ADCY1: variants seen among roughly 807,000 people sequenced by gnomAD.
ADCY1 encodes adenylate cyclase 1.
A neutral mutation model predicts 105.4 loss-of-function variants in ADCY1; 28 were observed. That is an observed-to-expected ratio of 0.27 (90% CI 0.20 to 0.36). The LOEUF is 0.36. Among genes scored for constraint, ADCY1 ranks in the 10% least tolerant of loss-of-function variants. ADCY1 has a pLI of 1.00. For missense variants in ADCY1, 977 were observed against 1,434.2 expected (o/e 0.68, Z 5.15); for synonymous variants, 655 against 623.8 (o/e 1.05, Z -0.75).
intron 1 of ADCY1, among the ~76,000 whole-genome samples, chr7:45,584,893 G>T (rs147150129): frequency 2.0e-5 from 3 of 152,366 alleles, no homozygotes; most frequent in African/African-American, 7.2e-5. Context: ...TAGGAGTATG[G>T]TGGAAAGTTC....
At chr7:45,656,776 C>G (rs1436782437) in intron 5 of ADCY1, among the ~76,000 whole-genome samples, 1 of 152,170 alleles carries the variant, frequency 6.6e-6, no homozygotes, top group African/African-American at 2.4e-5. Context: ...GAATGGGACT[C>G]CAGGCTGAGC....
intron 1 of ADCY1, among the ~76,000 whole-genome samples, chr7:45,590,104 C>T (rs998825354): frequency 8.5e-5 from 13 of 152,132 alleles, no homozygotes; most frequent in South Asian, 4.2e-4. Context: ...TGAGGGGGAC[C>T]GGCCGCCAAT....
At chr7:45,688,319 C>T (rs560832483) in intron 14 of ADCY1, among the ~76,000 whole-genome samples, 20 of 152,200 alleles carry the variant, frequency 1.3e-4, no homozygotes, top group Non-Finnish European at 2.4e-4. Context: ...TCGTTGGCCA[C>T]GGGCCTTGTG....
intron 10 of ADCY1, 95 bp from the exon 11 acceptor site, chr7:45,679,614 G>C: frequency 8.4e-7 from 1 of 1,196,934 alleles, no homozygotes. Flanking sequence ...GAGAGCACAG[G>C]GGATGTGGAG....
chr7:45,588,819 C>T (rs535111712), intron 1 of ADCY1, among the ~76,000 whole-genome samples: 35 of 152,218 alleles, frequency 2.3e-4, no homozygotes, highest in African/African-American at 7.9e-4. Context: ...CCATTGGGGG[C>T]TCTTTCAGTT....
At chr7:45,625,207 T>C (rs1036893486) in intron 4 of ADCY1, among the ~76,000 whole-genome samples, 1 of 152,226 alleles carries the variant, frequency 6.6e-6, no homozygotes, top group African/African-American at 2.4e-5. Context: ...GCGGGGGCTC[T>C]GGGCCTGTTT....
chr7:45,593,138 T>C (rs1792974672), intron 2 of ADCY1, among the ~76,000 whole-genome samples: 1 of 152,078 alleles, frequency 6.6e-6, no homozygotes, highest in Non-Finnish European at 1.5e-5. Context: ...TGGGGCTGCT[T>C]TGGGGACAGC....
intron 10 of ADCY1, among the ~76,000 whole-genome samples, chr7:45,679,136 CAT>C: frequency 6.6e-6 from 1 of 152,234 alleles, no homozygotes; most frequent in Admixed American, 6.5e-5. Flanking sequence ...CAAGTGTACT[CAT>C]TTCTTAATAA....
At chr7:45,636,625 C>T (rs112967889) in intron 4 of ADCY1, among the ~76,000 whole-genome samples, 7,503 of 152,282 alleles carry the variant, frequency 0.049, 304 homozygotes, top group Non-Finnish European at 0.073. Context: ...ACTGTAACCT[C>T]CGCCTCCCGG....
At chr7:45,613,365 T>C (rs980402774) in intron 3 of ADCY1, among the ~76,000 whole-genome samples, 1 of 151,906 alleles carries the variant, frequency 6.6e-6, no homozygotes, top group African/African-American at 2.4e-5. Context: ...GGAAGACAAG[T>C]CACTGCAGTC....
At chr7:45,619,287 A>G (rs537205490) in intron 3 of ADCY1, among the ~76,000 whole-genome samples, 4 of 152,280 alleles carry the variant, frequency 2.6e-5, no homozygotes, top group African/African-American at 9.6e-5. Context: ...AATAAGTTCT[A>G]TTGTTCTATA....
intron 4 of ADCY1, among the ~76,000 whole-genome samples, chr7:45,644,271 T>A (rs1042045396): frequency 1.3e-5 from 2 of 152,218 alleles, no homozygotes; most frequent in East Asian, 3.9e-4. Flanking sequence ...AGCTCTGGAA[T>A]TGGCAGTGGA....
intron 2 of ADCY1, among the ~76,000 whole-genome samples, chr7:45,606,917 A>G (rs1044266246): frequency 6.6e-6 from 1 of 151,880 alleles, no homozygotes; most frequent in African/African-American, 2.4e-5. Flanking sequence ...CTTGACACTA[A>G]TGTTTACTGC....
intron 2 of ADCY1, among the ~76,000 whole-genome samples, chr7:45,600,196 G>A (rs565178427): frequency 2.0e-5 from 3 of 152,366 alleles, no homozygotes; most frequent in Non-Finnish European, 2.9e-5. Flanking sequence ...GGGCAGATCC[G>A]CTGCAAGGAG....
chr7:45,582,900 T>G (rs1792603267), intron 1 of ADCY1, among the ~76,000 whole-genome samples: 1 of 152,190 alleles, frequency 6.6e-6, no homozygotes, highest in African/African-American at 2.4e-5. Flanking sequence ...GCTCTGGCTT[T>G]GTGCTGAAGG....
chr7:45,599,712 C>T (rs914505303), intron 2 of ADCY1, among the ~76,000 whole-genome samples: 1 of 151,774 alleles, frequency 6.6e-6, no homozygotes, highest in Non-Finnish European at 1.5e-5. Context: ...CTGCAACCTC[C>T]GCCTCCCGGG....
At chr7:45,709,487 C>A (rs1785184560) in intron 18 of ADCY1, among the ~76,000 whole-genome samples, 1 of 152,100 alleles carries the variant, frequency 6.6e-6, no homozygotes, top group Admixed American at 6.5e-5. Flanking sequence ...AGAGGGTGCT[C>A]CCTAACTCCC....
chr7:45,648,585 A>G, intron 4 of ADCY1, 85 bp from the exon 5 acceptor site: 1 of 1,568,748 alleles, frequency 6.4e-7, no homozygotes, highest in Non-Finnish European at 8.7e-7. Context: ...TGTGGCCACC[A>G]GTGTCTAGAG....
chr7:45,659,951 C>T, intron 6 of ADCY1, 91 bp from the exon 7 acceptor site: 2 of 1,521,438 alleles, frequency 1.3e-6, no homozygotes, highest in Non-Finnish European at 1.8e-6. Context: ...GGGGAAGCCT[C>T]TGTCTGTGCC....
Sources: allele counts gnomAD v4.1 joint callset (sites outside exome capture counted in the v4.1 genomes callset), GRCh38; gene constraint gnomAD v4.1.1; transcripts MANE v1.5; gene names NCBI Gene and HGNC (gene_info 2026-07-23, HGNC 2026-07-21).